Variants in BBX observed in about 807,000 individuals in gnomAD.
The protein encoded by BBX is HMG box transcription factor BBX.
Under a neutral mutation model 100.2 loss-of-function variants are expected in BBX, and 30 were observed. That is an observed-to-expected ratio of 0.30 (90% CI 0.22 to 0.41). The LOEUF (loss-of-function observed/expected upper bound fraction) is 0.41. Ranked by LOEUF, BBX falls within the 10% of genes least tolerant of loss-of-function variation. BBX has a pLI of 1.00. For synonymous variants in BBX, 376 were observed against 388.1 expected, an observed-to-expected ratio of 0.97 and a Z score of 0.37; for missense variants, 1,023 against 1,129.8, an observed-to-expected ratio of 0.91 and a Z score of 1.35.
intron 2 of BBX, among the ~76,000 whole-genome samples, chr3:107,621,066 C>G (rs1263380632): frequency 6.6e-6 from 1 of 152,064 alleles, no homozygotes; most frequent in Non-Finnish European, 1.5e-5. Flanking sequence ...AGTCCTCAAC[C>G]ATAGCCAGCA....
chr3:107,670,314 A>G (rs1035922391), intron 3 of BBX, among the ~76,000 whole-genome samples: 1 of 152,256 alleles, frequency 6.6e-6, no homozygotes, highest in Admixed American at 6.5e-5. Flanking sequence ...GATTTGTTAA[A>G]GGATATAAAA....
In BBX at chr3:107,801,036, G is replaced by C. The variant is rs2070397012; in HGVS notation, c.2552-59G>C. The C allele has an allele frequency of 5.3e-6, 8 of 1,506,882 alleles. No individual in the cohort carries two copies. The East Asian group carries it at 1.6e-4, about 30-fold the overall frequency. The allele number at this position is 1,506,882 out of a possible 1,614,324, so 93.3% of individuals were successfully genotyped here. On this transcript the variant is annotated intron_variant, in intron 16 of 17. Coordinates refer to ENST00000325805, the MANE Select transcript of BBX (RefSeq NM_001142568.3). ...TGTTGACTGGCACAGCGTTTTCTAT[G>C]TCTCTTCTCTGGAGAGAACAGAGTG...
rs1553705076 is a variant in BBX at position 107,808,954 on chromosome 3, C to CAAAATAATGATGGAACACTATGAACA, written c.*3502_*3527dup. 1.3e-5 allele frequency: 2 copies of CAAAATAATGATGGAACACTATGAACA among 152,138 alleles called. No homozygotes were observed. The highest frequency in any genetic ancestry group is 2.9e-5 in the Non-Finnish European group (2 of 68,016). The allele number at this position is 152,138 out of a possible 1,614,324, so 9.4% of individuals were successfully genotyped here. A position where few individuals can be genotyped will look rare whatever the true frequency, so the allele number is the denominator to read the frequency against. ...CCTGCCACTAAAATTGCTGGAGAAACAAAATAATGATGGAACACTATGAAC... is the reference window on the plus strand; with the variant it reads ...CCTGCCACTAAAATTGCTGGAGAAACAAAATAATGATGGAACACTATGAACAAAAATAATGATGGAACACTATGAAC... On this transcript the variant is annotated 3_prime_UTR_variant, in exon 18 of 18. Coordinates refer to ENST00000325805, the MANE Select transcript of BBX (RefSeq NM_001142568.3).
intron 3 of BBX, among the ~76,000 whole-genome samples, chr3:107,664,141 A>G (rs1434023434): frequency 6.6e-6 from 1 of 151,800 alleles, no homozygotes; most frequent in Non-Finnish European, 1.5e-5. Flanking sequence ...TATTTTTGTC[A>G]TTGGAAATAA....
chr3:107,674,290 GGT>G (rs1473511414), intron 3 of BBX, among the ~76,000 whole-genome samples: 1 of 152,100 alleles, frequency 6.6e-6, no homozygotes, highest in African/African-American at 2.4e-5. Context: ...GAGCCAGAAA[GGT>G]GTGTCTGAAA....
chr3:107,747,846 G>A (rs2064753560), intron 8 of BBX, 119 bp from the exon 9 acceptor site: 2 of 710,746 alleles, frequency 2.8e-6, no homozygotes, highest in South Asian at 3.8e-5. Context: ...AAGGGATTGA[G>A]GGTAATGACT....
intron 7 of BBX, among the ~76,000 whole-genome samples, chr3:107,740,666 A>G (rs2064020676): frequency 6.6e-6 from 1 of 152,056 alleles, no homozygotes; most frequent in Admixed American, 6.6e-5. Context: ...AGCCACACTG[A>G]GAAAGTCACT....
intron 13 of BBX, among the ~76,000 whole-genome samples, chr3:107,788,929 T>C (rs9839178): frequency 0.44 from 66,784 of 152,026 alleles, 16,064 homozygotes; most frequent in East Asian, 0.93. Context: ...ACCTTTTTCT[T>C]TTCTAAGTTA....
At chr3:107,720,600 A>G (rs2062461393) in intron 5 of BBX, among the ~76,000 whole-genome samples, 3 of 152,066 alleles carry the variant, frequency 2.0e-5, no homozygotes, top group Admixed American at 1.3e-4. Flanking sequence ...GAGAGACCAG[A>G]CTTAAAAGTT....
intron 2 of BBX, among the ~76,000 whole-genome samples, chr3:107,621,116 T>G (rs903719812): frequency 6.6e-6 from 1 of 152,174 alleles, no homozygotes; most frequent in African/African-American, 2.4e-5. Context: ...CTGTGATGAT[T>G]GGCTTGTATA....
chr3:107,761,421 A>G (rs2065893217), intron 10 of BBX, among the ~76,000 whole-genome samples: 1 of 152,184 alleles, frequency 6.6e-6, no homozygotes, highest in Non-Finnish European at 1.5e-5. Context: ...TATGTATGGA[A>G]TGGAGTGGAA....
intron 2 of BBX, among the ~76,000 whole-genome samples, chr3:107,611,341 C>A (rs899367581): frequency 1.3e-4 from 20 of 152,242 alleles, no homozygotes; most frequent in Admixed American, 1.3e-3. Flanking sequence ...TTTATTCCTT[C>A]AAATGATTTC....
chr3:107,528,038 C>T (rs1395343860), intron 2 of BBX, among the ~76,000 whole-genome samples: 1 of 152,144 alleles, frequency 6.6e-6, no homozygotes, highest in East Asian at 1.9e-4. Flanking sequence ...GCTTGTATTT[C>T]TTTGAGATAT....
chr3:107,697,200 T>C (rs529553530), intron 3 of BBX, among the ~76,000 whole-genome samples: 1 of 152,040 alleles, frequency 6.6e-6, no homozygotes, highest in African/African-American at 2.4e-5. Context: ...TCTCAGCTCG[T>C]CAAAGTCATT....
chr3:107,748,183 C>A, intron 9 of BBX, 144 bp downstream of exon 9: 1 of 605,176 alleles, frequency 1.7e-6, no homozygotes, highest in Non-Finnish European at 2.7e-6. Flanking sequence ...ATATTTATTG[C>A]TTTTTCTGCT....
chr3:107,558,474 C>T (rs1003856223), intron 2 of BBX, among the ~76,000 whole-genome samples: 7 of 151,802 alleles, frequency 4.6e-5, no homozygotes, highest in East Asian at 3.9e-4. Flanking sequence ...GGGGACAGAG[C>T]GAGACTCTGT....
intron 2 of BBX, among the ~76,000 whole-genome samples, chr3:107,636,933 G>A (rs1401610152): frequency 6.6e-6 from 1 of 152,262 alleles, no homozygotes; most frequent in East Asian, 1.9e-4. Flanking sequence ...GGTACTAGGT[G>A]TTTCTAGTGT....
chr3:107,542,194 G>A (rs2048912111), intron 2 of BBX, among the ~76,000 whole-genome samples: 1 of 152,056 alleles, frequency 6.6e-6, no homozygotes, highest in African/African-American at 2.4e-5. Context: ...AGAGTAAAAA[G>A]GTCTAGTCAT....
intron 3 of BBX, among the ~76,000 whole-genome samples, chr3:107,697,906 A>AT (rs2060754976): frequency 6.6e-6 from 1 of 151,820 alleles, no homozygotes; most frequent in South Asian, 2.1e-4. Flanking sequence ...CTGCTGCGCC[A>AT]TTTTTTAAGC....
Sources: allele counts gnomAD v4.1 joint callset (sites outside exome capture counted in the v4.1 genomes callset), GRCh38; gene constraint gnomAD v4.1.1; transcripts MANE v1.5; gene names NCBI Gene and HGNC (gene_info 2026-07-23, HGNC 2026-07-21).